WDR25: variants seen among roughly 807,000 people sequenced by gnomAD.
WDR25 encodes WD repeat domain 25.
Under a neutral mutation model 47.7 loss-of-function variants are expected in WDR25, and 35 were observed. That is an observed-to-expected ratio of 0.73 (90% CI 0.56 to 0.97). The LOEUF is 0.97. WDR25 is among the 50% of genes least tolerant of loss of function. The pLI, the probability that WDR25 is intolerant of heterozygous loss-of-function variation, is 0.00. For missense variants in WDR25, 634 were observed against 704.7 expected (o/e 0.90, Z 1.14); for synonymous variants, 248 against 278.9 (o/e 0.89, Z 1.10).
Position 100,526,022 on chromosome 14 carries a change from C to T in WDR25, c.1254C>T (p.Ile418=). 2 of 1,614,094 alleles carry T rather than the reference C, an allele frequency of 1.2e-6. No individual in the cohort carries two copies. Among genetic ancestry groups the T allele is most frequent in the Non-Finnish European group, 1.7e-6 (2 of 1,179,968 alleles). ...IAWDFRTSAK[I]SNQIFHERFT... is the part of the protein sequence containing the mutation. ...GGGATTTCCGGACCTCTGCCAAAAT[C>T]TCCAACCAGATTTTCCACGTAAGAA... Residue 418 remains isoleucine (I), a synonymous_variant, in exon 5 of 7, where the codon ATC becomes ATT. Coordinates refer to ENST00000402312, the MANE Select transcript of WDR25 (RefSeq NM_001161476.3).
chr14:100,409,908 CAT>C lies in WDR25; in HGVS notation c.822+28164_822+28165del, dbSNP rs577877463. Among the ~76,000 whole-genome samples the C allele has an allele frequency of 2.2e-3, 328 of 152,348 alleles. 1 individual carries two copies. Among genetic ancestry groups the C allele is most frequent in the Non-Finnish European group, 3.8e-3 (261 of 68,036 alleles). Reference sequence around the variant, plus strand: ...TCCTGCAGAGCTGCTCCAGAATTCTCATACTTAGTTTATTAGATTTTTGGCCC... The same window carrying C: ...TCCTGCAGAGCTGCTCCAGAATTCTCACTTAGTTTATTAGATTTTTGGCCC... On this transcript the variant is annotated intron_variant, in intron 2 of 6. Transcript: ENST00000402312.
intron 4 of WDR25, among the ~76,000 whole-genome samples, chr14:100,519,098 C>G (rs967240959): frequency 6.6e-6 from 1 of 152,244 alleles, no homozygotes; most frequent in African/African-American, 2.4e-5. Context: ...AGTTAAAACA[C>G]AAAAGTGAAT....
At chr14:100,403,716 T>TC (rs1897448849) in intron 2 of WDR25, among the ~76,000 whole-genome samples, 1 of 152,182 alleles carries the variant, frequency 6.6e-6, no homozygotes. Flanking sequence ...GCTGATGAAC[T>TC]CAACTTTTTA....
intron 2 of WDR25, among the ~76,000 whole-genome samples, chr14:100,403,171 A>C (rs140063063): frequency 6.6e-6 from 1 of 152,260 alleles, no homozygotes; most frequent in Non-Finnish European, 1.5e-5. Flanking sequence ...TTTTTTAAGA[A>C]TAGAAATACA....
At chr14:100,479,154 C>T (rs1009937510) in intron 3 of WDR25, among the ~76,000 whole-genome samples, 5 of 152,032 alleles carry the variant, frequency 3.3e-5, no homozygotes, top group African/African-American at 1.2e-4. Context: ...CCTGCAGTCT[C>T]CAGATGACCC....
At chr14:100,390,083 A>T (rs1256836898) in intron 2 of WDR25, among the ~76,000 whole-genome samples, 1 of 152,108 alleles carries the variant, frequency 6.6e-6, no homozygotes, top group African/African-American at 2.4e-5. Context: ...TGCTGTCATA[A>T]ACTTTCAAAT....
intron 2 of WDR25, among the ~76,000 whole-genome samples, chr14:100,457,154 C>T (rs760380058): frequency 1.3e-5 from 2 of 152,118 alleles, no homozygotes; most frequent in African/African-American, 2.4e-5. Context: ...AGGGTTTCAC[C>T]ATATAGGCCA....
At chr14:100,519,023 A>C (rs1459793934) in intron 4 of WDR25, among the ~76,000 whole-genome samples, 1 of 151,834 alleles carries the variant, frequency 6.6e-6, no homozygotes, top group Non-Finnish European at 1.5e-5. Context: ...TTTATTTCAG[A>C]ATGTTTGGTG....
chr14:100,469,115 C>T (rs1047689176), intron 3 of WDR25, among the ~76,000 whole-genome samples: 3 of 152,152 alleles, frequency 2.0e-5, no homozygotes, highest in Admixed American at 1.3e-4. Context: ...TCCCCTTGAA[C>T]CCTCAGGCCA....
intron 2 of WDR25, among the ~76,000 whole-genome samples, chr14:100,414,159 C>G (rs904424438): frequency 6.6e-6 from 1 of 151,862 alleles, no homozygotes; most frequent in Non-Finnish European, 1.5e-5. Context: ...CCACGCCTGG[C>G]TAATATTTTT....
chr14:100,397,485 G>A (rs1401397052), intron 2 of WDR25, among the ~76,000 whole-genome samples: 1 of 152,220 alleles, frequency 6.6e-6, no homozygotes, highest in African/African-American at 2.4e-5. Flanking sequence ...AGGGATGGGA[G>A]TGTGATACAG....
intron 4 of WDR25, among the ~76,000 whole-genome samples, chr14:100,484,379 A>C (rs182667392): frequency 1.3e-5 from 2 of 152,346 alleles, no homozygotes; most frequent in Non-Finnish European, 2.9e-5. Context: ...CTGTGCACAA[A>C]TGCTTCCAGA....
rs542928726 is a variant in WDR25, at chr14:100,425,215, T to C, written c.823-42806T>C. 1.4e-4 allele frequency among the ~76,000 whole-genome samples: 22 copies of C among 152,362 alleles called. No homozygotes were observed. In the South Asian group the frequency reaches 4.6e-3, roughly 32 times the overall value. ...CTTCCTTGATGTGGGTCCTGGGTCC[T>C]TGGAGGCTGGTTGTGTCAGCCCTTC... is the stretch of plus-strand genomic sequence containing the variant. On this transcript the variant is annotated intron_variant, in intron 2 of 6. Coordinates refer to ENST00000402312, the MANE Select transcript of WDR25 (RefSeq NM_001161476.3). This position sits in a 1 kb window ranked among gnomAD's most constrained non-coding sequence, Gnocchi z 4.8.
chr14:100,417,891 T>G (rs1424254107), intron 2 of WDR25, among the ~76,000 whole-genome samples: 1 of 152,072 alleles, frequency 6.6e-6, no homozygotes, highest in Non-Finnish European at 1.5e-5. Context: ...CTACTTAGGC[T>G]CTTGTGCATG....
At position 100,529,780 on chromosome 14, in the gene WDR25, A is replaced by G. The variant is rs975499285; in HGVS notation, c.1414-40A>G. 2.5e-6 allele frequency: 4 copies of G among 1,593,822 alleles called. No homozygotes were observed. The Admixed American group carries it at 6.7e-5, about 27-fold the overall frequency. On this transcript the variant is annotated intron_variant, in intron 6 of 6. Transcript: ENST00000402312. The surrounding 1 kb of genome is among the most constrained non-coding windows in gnomAD (Gnocchi z 5.1). ...GAATGGGCATACTCACCCCGGCTTG[A>G]CAGGTGCGGCTTGCTCACCCACTGT...
intron 3 of WDR25, among the ~76,000 whole-genome samples, chr14:100,470,078 A>G (rs1050122936): frequency 6.6e-6 from 1 of 152,226 alleles, no homozygotes; most frequent in Non-Finnish European, 1.5e-5. Context: ...AAAATCAAGG[A>G]AGACTTCCTG....
chr14:100,393,668 G>T (rs1039686454), intron 2 of WDR25, among the ~76,000 whole-genome samples: 7 of 152,222 alleles, frequency 4.6e-5, no homozygotes, highest in South Asian at 2.1e-4. Flanking sequence ...GGCAACTCGG[G>T]CAGTAGACTA....
At chr14:100,381,910 G>C in intron 2 of WDR25, 164 bp downstream of exon 2, 1 of 663,066 alleles carries the variant, frequency 1.5e-6, no homozygotes, top group Non-Finnish European at 2.6e-6. Context: ...TCAGCTCCGG[G>C]TTGTGGGTTC....
intron 2 of WDR25, among the ~76,000 whole-genome samples, chr14:100,447,463 G>A (rs893603689): frequency 2.5e-4 from 38 of 152,220 alleles, no homozygotes; most frequent in Non-Finnish European, 4.6e-4. Context: ...TCTTTGCCAC[G>A]TGTCTGCAGC....
Sources: gnomAD v4.1 joint callset for allele counts (sites outside exome capture counted in the v4.1 genomes callset) on GRCh38, gnomAD v4.1.1 for gene constraint, Gnocchi (gnomAD v3.1) non-coding constraint, MANE v1.5 for transcripts, NCBI Gene and HGNC (gene_info 2026-07-23, HGNC 2026-07-21) for gene names.